GFPT1: variants seen among roughly 807,000 people sequenced by gnomAD.
GFPT1 encodes the protein glutamine--fructose-6-phosphate transaminase 1.
A neutral mutation model predicts 92.0 loss-of-function variants in GFPT1; 40 were observed. The ratio of observed to expected loss-of-function variants is 0.43; its 90% confidence interval spans 0.34 to 0.57. GFPT1 has a LOEUF of 0.57. GFPT1 is among the 20% of genes least tolerant of loss of function. GFPT1 has a pLI of 0.02. For synonymous variants in GFPT1, 269 were observed against 280.6 expected, an observed-to-expected ratio of 0.96 and a Z score of 0.41; for missense variants, 448 against 869.1, an observed-to-expected ratio of 0.52 and a Z score of 6.09.
chr2:69,373,369 C>A (rs60203647), intron 2 of GFPT1, among the ~76,000 whole-genome samples: 5,104 of 152,238 alleles, frequency 0.034, 244 homozygotes, highest in African/African-American at 0.12. Flanking sequence ...GTAATCCCAG[C>A]ACTTTGAAAG....
chr2:69,353,881 C>T (rs951204859), intron 9 of GFPT1, among the ~76,000 whole-genome samples: 3 of 152,188 alleles, frequency 2.0e-5, no homozygotes, highest in Non-Finnish European at 4.4e-5. Flanking sequence ...AAACATATTT[C>T]AGTTAAAAGT....
rs1202949835 is a variant in GFPT1 at position 69,321,725 on chromosome 2, C to T, written c.*4464G>A. ...ACCAAAAGCTTTATTTAAGCAAAAA[C>T]ACATTCAACCACAGAACATTCAGAA... On this transcript the variant is annotated 3_prime_UTR_variant, in exon 20 of 20. Coordinates refer to ENST00000357308, the MANE Select transcript of GFPT1 (RefSeq NM_001244710.2). 1.3e-5 allele frequency: 2 copies of T among 152,150 alleles called. No homozygotes were observed. Among genetic ancestry groups the T allele is most frequent in the South Asian group, 2.1e-4 (1 of 4,828 alleles). 9.4% of individuals were successfully genotyped at this position (152,150 alleles called of 1,614,324 possible).
At chr2:69,343,015 C>T (rs954010780) in intron 12 of GFPT1, among the ~76,000 whole-genome samples, 1 of 152,200 alleles carries the variant, frequency 6.6e-6, no homozygotes, top group Non-Finnish European at 1.5e-5. Context: ...TTCTCCACCT[C>T]CTGGAGTCTG....
At chr2:69,382,532 T>A (rs1021362189) in intron 1 of GFPT1, among the ~76,000 whole-genome samples, 5 of 152,198 alleles carry the variant, frequency 3.3e-5, no homozygotes, top group African/African-American at 1.2e-4. Context: ...TTCATAACCA[T>A]ATCCAATTAA....
intron 16 of GFPT1, 55 bp from the exon 17 acceptor site, chr2:69,329,479 T>C: frequency 7.4e-7 from 1 of 1,346,660 alleles, no homozygotes; most frequent in Non-Finnish European, 1.1e-6. Flanking sequence ...AAAATAACAA[T>C]ATATTGGCAG....
Position 69,338,516 on chromosome 2 carries a change from A to C in GFPT1, c.1253T>G (p.Leu418Arg). The C allele has an allele frequency of 6.2e-7, 1 of 1,613,156 alleles. No individual in the cohort carries two copies. The change falls in exon 14 of 20, where the codon CTA becomes CGA. Residue 418 changes from leucine to arginine, a missense_variant. Leu to Arg is a moderately radical substitution (Grantham distance 102, BLOSUM62 -2). Transcript: ENST00000357308. ...GTTTCTGTCCAGGAAGTCACTTGCT[A>C]GTTCCACCATCACAGGCAACTCAGT... Reference protein sequence around the residue: ...ELTELPVMVELASDFLDRNTP... With the variant: ...ELTELPVMVERASDFLDRNTP...
At chr2:69,341,086 G>A (rs1161737634) in intron 13 of GFPT1, among the ~76,000 whole-genome samples, 1 of 151,150 alleles carries the variant, frequency 6.6e-6, no homozygotes, top group Non-Finnish European at 1.5e-5. Flanking sequence ...AGCCTCCCAA[G>A]TAGCTAGGAC....
intron 1 of GFPT1, among the ~76,000 whole-genome samples, chr2:69,384,785 GAAAGAAAGAAAAGA>G (rs1250281640): frequency 6.8e-6 from 1 of 148,104 alleles, no homozygotes; most frequent in East Asian, 2.0e-4. Context: ...GAAAAAGAAA[GAAAGAAAGAAAAGA>G]AAAGAAAGAA....
At chr2:69,370,272 G>C (rs763125338) in intron 2 of GFPT1, among the ~76,000 whole-genome samples, 164 bp from the exon 3 acceptor site, 9 of 152,084 alleles carry the variant, frequency 5.9e-5, no homozygotes, top group Non-Finnish European at 7.4e-5. Context: ...CAAGAACCAG[G>C]ATAGCTGCTA....
In GFPT1 at chr2:69,329,395, C is replaced by T. The variant is rs1670605541; in HGVS notation, c.1627G>A (p.Asp543Asn). Residue 543 changes from aspartate to asparagine, a missense_variant, in exon 17 of 20, where the codon GAC (aspartate) becomes AAC (asparagine). Physicochemically the swap from Asp to Asn is conservative, Grantham distance 23 (BLOSUM62 1). Coordinates refer to ENST00000357308, the MANE Select transcript of GFPT1 (RefSeq NM_001244710.2). ...DLIKEVLSMD[D>N]EIQKLATELY... is the part of the protein sequence containing the mutation. ...TCTGTTGCTAGTTTCTGAATTTCGT[C>T]ATCCATGCTCAGTACTTCCTTAATC... is the stretch of plus-strand genomic sequence containing the variant. 6.2e-7 allele frequency: 1 copy of T among 1,610,216 alleles called. No homozygotes were observed. The highest frequency in any genetic ancestry group is 8.5e-7 in the Non-Finnish European group (1 of 1,176,572).
intron 6 of GFPT1, among the ~76,000 whole-genome samples, chr2:69,356,775 G>C (rs1232554747): frequency 1.4e-5 from 2 of 147,732 alleles, no homozygotes; most frequent in African/African-American, 5.0e-5. Flanking sequence ...GTCTCACTCT[G>C]TGACCAGGCT....
chr2:69,379,873 C>A (rs140349537), intron 1 of GFPT1, among the ~76,000 whole-genome samples: 1 of 152,056 alleles, frequency 6.6e-6, no homozygotes, highest in African/African-American at 2.4e-5. Flanking sequence ...ACGTAAGCTA[C>A]CACGCCCAGT....
At chr2:69,372,856 G>A in intron 2 of GFPT1, among the ~76,000 whole-genome samples, 1 of 152,126 alleles carries the variant, frequency 6.6e-6, no homozygotes, top group East Asian at 1.9e-4. Flanking sequence ...CCTCAGAAAG[G>A]CCTGTTTTCA....
At chr2:69,330,874 C>A (rs962063983) in intron 15 of GFPT1, among the ~76,000 whole-genome samples, 10 of 152,078 alleles carry the variant, frequency 6.6e-5, no homozygotes, top group Non-Finnish European at 1.5e-5. Flanking sequence ...GCCTCAGATA[C>A]CCCATCTGTT....
intron 9 of GFPT1, among the ~76,000 whole-genome samples, chr2:69,352,612 CA>C (rs748958210): frequency 1.4e-3 from 64 of 47,374 alleles, no homozygotes; most frequent in Middle Eastern, 0.022. Flanking sequence ...GACTTCGTCT[CA>C]AAAAAAAAAA....
In GFPT1 at chr2:69,369,927, T is replaced by C; in HGVS notation, c.223+74A>G. 3 of 859,750 alleles carry C rather than the reference T, an allele frequency of 3.5e-6. No homozygotes were observed. In the South Asian group the frequency reaches 4.0e-5, roughly 11 times the overall value. 53.3% of individuals were successfully genotyped at this position (859,750 alleles called of 1,614,324 possible). A position where few individuals can be genotyped will look rare whatever the true frequency, so the allele number is the denominator to read the frequency against. On this transcript the variant is annotated intron_variant, in intron 3 of 19. Transcript: ENST00000357308. ...GGTCCCAAAATATGGGGGGAGGGAG[T>C]AACTTAGAGGAGAATGGGGAGGGGA...
chr2:69,330,843 G>A (rs556339719), intron 15 of GFPT1, among the ~76,000 whole-genome samples: 1 of 152,148 alleles, frequency 6.6e-6, no homozygotes, highest in East Asian at 1.9e-4. Flanking sequence ...TTATAACCTT[G>A]AGCAGTTTTC....
chr2:69,338,120 CA>C, intron 14 of GFPT1, 65 bp from the exon 15 acceptor site: 2 of 1,420,690 alleles, frequency 1.4e-6, no homozygotes, highest in Non-Finnish European at 2.0e-6. Context: ...TTCTTAGGAG[CA>C]AAAACAAATT....
intron 12 of GFPT1, among the ~76,000 whole-genome samples, chr2:69,345,466 G>T (rs531864428): frequency 6.6e-6 from 1 of 152,278 alleles, no homozygotes; most frequent in South Asian, 2.1e-4. Flanking sequence ...AGAATTCACA[G>T]TACCTAGGAC....
Sources: gnomAD v4.1 joint callset for allele counts (sites outside exome capture counted in the v4.1 genomes callset) on GRCh38, gnomAD v4.1.1 for gene constraint, MANE v1.5 for transcripts, NCBI Gene and HGNC (gene_info 2026-07-23, HGNC 2026-07-21) for gene names.